Variants in COX10 observed in about 807,000 individuals in gnomAD.
COX10 encodes cytochrome c oxidase assembly factor heme A:farnesyltransferase COX10, also known as protoheme IX farnesyltransferase, mitochondrial.
COX10 carries 27 observed loss-of-function variants against 37.3 expected under a neutral mutation model. The ratio of observed to expected loss-of-function variants is 0.72; its 90% CI spans 0.53 to 1.00. The LOEUF is 1.00. Ranked by LOEUF, COX10 falls within the 50% of genes least tolerant of loss-of-function variation. The pLI, the probability that COX10 is intolerant of heterozygous loss-of-function variation, is 0.00. For synonymous variants in COX10, 222 were observed against 229.1 expected (o/e 0.97, Z 0.28); for missense variants, 475 against 563.2 (o/e 0.84, Z 1.59).
intron 4 of COX10, among the ~76,000 whole-genome samples, chr17:14,156,757 A>G (rs1184617181): frequency 6.6e-6 from 1 of 152,184 alleles, no homozygotes; most frequent in Non-Finnish European, 1.5e-5. Context: ...GAGGAAAATC[A>G]TCCTTGCCCT....
At chr17:14,110,487 C>G (rs1352991835) in intron 4 of COX10, among the ~76,000 whole-genome samples, 2 of 151,976 alleles carry the variant, frequency 1.3e-5, no homozygotes, top group Non-Finnish European at 2.9e-5. Context: ...AGTTATAATT[C>G]TTGGTGTGTA....
chr17:14,106,148 C>T (rs1915889980), intron 4 of COX10, among the ~76,000 whole-genome samples: 1 of 151,982 alleles, frequency 6.6e-6, no homozygotes, highest in African/African-American at 2.4e-5. Flanking sequence ...TCCCAAGTAG[C>T]TGGTATTATA....
intron 4 of COX10, among the ~76,000 whole-genome samples, chr17:14,122,349 C>A (rs548533829): frequency 1.3e-5 from 2 of 152,224 alleles, no homozygotes; most frequent in East Asian, 3.9e-4. Flanking sequence ...GCAAAATCTT[C>A]AATGTGCTCT....
chr17:14,113,945 A>G (rs1387205152), intron 4 of COX10, among the ~76,000 whole-genome samples: 1 of 152,118 alleles, frequency 6.6e-6, no homozygotes, highest in African/African-American at 2.4e-5. Flanking sequence ...CGTTACGACA[A>G]TGTATATTGT....
intron 4 of COX10, among the ~76,000 whole-genome samples, chr17:14,122,066 A>G (rs1220021956): frequency 6.6e-6 from 1 of 152,124 alleles, no homozygotes; most frequent in East Asian, 1.9e-4. Context: ...TGTAGGCAGT[A>G]GGGAGCCATT....
intron 6 of COX10, among the ~76,000 whole-genome samples, chr17:14,203,069 T>C (rs977527033): frequency 3.9e-5 from 6 of 152,184 alleles, no homozygotes; most frequent in African/African-American, 1.2e-4. Context: ...CTCTAGACTT[T>C]AAGCAGGACT....
At chr17:14,087,074 A>T (rs112326865) in intron 3 of COX10, among the ~76,000 whole-genome samples, 3,140 of 152,134 alleles carry the variant, frequency 0.021, 40 homozygotes, top group Non-Finnish European at 0.031. Flanking sequence ...GTACAAATTT[A>T]CTTTTTCTGT....
intron 5 of COX10, among the ~76,000 whole-genome samples, chr17:14,181,213 A>G (rs905621123): frequency 1.3e-5 from 2 of 152,106 alleles, no homozygotes; most frequent in Non-Finnish European, 2.9e-5. Flanking sequence ...AAGGGGGTCA[A>G]TTCTAGGGCA....
intron 6 of COX10, among the ~76,000 whole-genome samples, chr17:14,203,318 T>C (rs1315293369): frequency 1.3e-5 from 2 of 152,126 alleles, no homozygotes; most frequent in Non-Finnish European, 2.9e-5. Flanking sequence ...ATAGGGACCC[T>C]AAAATCAGGT....
At chr17:14,166,811 T>G (rs900331104) in intron 5 of COX10, among the ~76,000 whole-genome samples, 1 of 146,804 alleles carries the variant, frequency 6.8e-6, no homozygotes, top group Non-Finnish European at 1.5e-5. Flanking sequence ...TTTTTTTGTA[T>G]TTTTAGTAGA....
intron 6 of COX10, 33 bp from the exon 7 acceptor site, chr17:14,206,777 T>A (rs941852186): frequency 1.2e-6 from 2 of 1,612,832 alleles, no homozygotes; most frequent in Non-Finnish European, 1.7e-6. Context: ...ATGACTGCCT[T>A]TGTCTCCCTC....
At chr17:14,141,529 C>CAAAAAAAAA (rs71147842) in intron 4 of COX10, among the ~76,000 whole-genome samples, 4 of 67,508 alleles carry the variant, frequency 5.9e-5, no homozygotes, top group African/African-American at 6.4e-5. Flanking sequence ...GTCCCTGTCT[C>CAAAAAAAAA]AAAAAAAAAA....
chr17:14,091,289 A>C (rs1915520652), intron 3 of COX10, among the ~76,000 whole-genome samples: 1 of 152,230 alleles, frequency 6.6e-6, no homozygotes. Context: ...GTGGGAGCTC[A>C]GAGGGATCTG....
At chr17:14,172,810 C>T (rs1443950225) in intron 5 of COX10, among the ~76,000 whole-genome samples, 11 of 152,024 alleles carry the variant, frequency 7.2e-5, no homozygotes, top group Non-Finnish European at 1.3e-4. Flanking sequence ...GCCTTGGCCT[C>T]CTAAAGTGCT....
At chr17:14,090,346 A>G (rs1479848662) in intron 3 of COX10, among the ~76,000 whole-genome samples, 1 of 152,174 alleles carries the variant, frequency 6.6e-6, no homozygotes, top group East Asian at 1.9e-4. Flanking sequence ...AAAGAATGTT[A>G]CAAGATTGTC....
intron 4 of COX10, among the ~76,000 whole-genome samples, chr17:14,149,517 C>T (rs1263612478): frequency 6.6e-6 from 1 of 152,170 alleles, no homozygotes; most frequent in Non-Finnish European, 1.5e-5. Context: ...AGCACCCTCC[C>T]CGTGCTCACA....
At chr17:14,113,653 A>G (rs1183079323) in intron 4 of COX10, among the ~76,000 whole-genome samples, 1 of 152,150 alleles carries the variant, frequency 6.6e-6, no homozygotes, top group African/African-American at 2.4e-5. Context: ...ATTATATCGT[A>G]AAAGAGCTCA....
At chr17:14,190,330 G>A (rs1189192962) in intron 5 of COX10, among the ~76,000 whole-genome samples, 1 of 152,188 alleles carries the variant, frequency 6.6e-6, no homozygotes, top group African/African-American at 2.4e-5. Context: ...GGGAATGTTG[G>A]ATGGACAAGG....
intron 3 of COX10, among the ~76,000 whole-genome samples, chr17:14,082,420 T>A (rs1315054769): frequency 2.0e-5 from 3 of 152,202 alleles, no homozygotes. Flanking sequence ...CTGTGTCTTC[T>A]TAGACTCTTA....
Sources: allele counts gnomAD v4.1 joint callset (sites outside exome capture counted in the v4.1 genomes callset), GRCh38; gene constraint gnomAD v4.1.1; transcripts MANE v1.5; gene names NCBI Gene and HGNC (gene_info 2026-07-23, HGNC 2026-07-21).